Variants in SAMHD1 observed in about 807,000 individuals in gnomAD.
SAMHD1 encodes SAM and HD domain containing deoxynucleoside triphosphate triphosphohydrolase 1.
A neutral mutation model predicts 79.6 loss-of-function variants in SAMHD1; 54 were observed. The ratio of observed to expected loss-of-function variants is 0.68; its 90% confidence interval spans 0.55 to 0.85. The LOEUF (loss-of-function observed/expected upper bound fraction) is 0.85, where lower values mean the gene tolerates loss of function less well. Among genes scored for constraint, SAMHD1 ranks in the 40% least tolerant of loss-of-function variants. The pLI is 0.00. For synonymous variants in SAMHD1, 260 were observed against 264.1 expected (o/e 0.98, Z 0.15); for missense variants, 663 against 782.7 (o/e 0.85, Z 1.82).
chr20:36,898,515 T>C lies in SAMHD1; in HGVS notation c.1533A>G (p.Glu511=). The change falls in exon 14 of 16, where the codon GAA becomes GAG. Residue 511 remains glutamate, a synonymous_variant. Transcript: ENST00000646673. ...AGCTAACATGATCAATTGGATTCTT[T>C]TCTTGCATTCCATAATCCATGTTGA... is the stretch of plus-strand genomic sequence containing the variant. ...DVINMDYGMQ[E]KNPIDHVSFY... 6.2e-7 allele frequency: 1 copy of C among 1,613,964 alleles called. No individual in the cohort carries two copies. Among genetic ancestry groups the C allele is most frequent in the African/African-American group, 1.3e-5 (1 of 75,036 alleles).
At chr20:36,934,992 T>G (rs756143343) in intron 4 of SAMHD1, 37 bp downstream of exon 4, 2 of 1,605,900 alleles carry the variant, frequency 1.2e-6, no homozygotes, top group South Asian at 2.2e-5. Context: ...AGAAAATACT[T>G]AAAAACTGCA....
At chr20:36,914,580 G>A (rs536030050) in intron 9 of SAMHD1, among the ~76,000 whole-genome samples, 9 of 151,726 alleles carry the variant, frequency 5.9e-5, no homozygotes, top group Admixed American at 3.9e-4. Context: ...GGCTGGTCTC[G>A]AACTTCTAAC....
In SAMHD1 at chr20:36,947,212, T is replaced by C. The variant is rs138643113; in HGVS notation, c.209-408A>G. Among the ~76,000 whole-genome samples, 144 of 152,318 alleles carry C rather than the reference T, an allele frequency of 9.5e-4. No individual in the cohort carries two copies. The East Asian group carries it at 0.027, about 28-fold the overall frequency. On this transcript the variant is annotated intron_variant, in intron 1 of 15. Transcript: ENST00000646673. ...GGAAGGAAACCTAAGTCTATTGTTC[T>C]TAGAATTAACAAGTTAAAACCGTGA...
At position 36,927,230 on chromosome 20, in the gene SAMHD1, C is replaced by T. The variant is rs200848943; in HGVS notation, c.648G>A (p.Met216Ile). Residue 216 changes from methionine (M) to isoleucine (I), a missense_variant, in exon 6 of 16, where the codon ATG becomes ATA. Physicochemically the swap from Met to Ile is conservative, Grantham distance 10. Coordinates refer to ENST00000646673, the MANE Select transcript of SAMHD1 (RefSeq NM_015474.4). ...CAAGTGGAATAAATCGTCCATCAAACATGTGAGAAAATGGCCCATGACCTT... is the reference window on the plus strand; with the variant it reads ...CAAGTGGAATAAATCGTCCATCAAATATGTGAGAAAATGGCCCATGACCTT... ...HDLGHGPFSH[M>I]FDGRFIPLAR... is the part of the protein sequence containing the mutation. The T allele has an allele frequency of 6.2e-7, 1 of 1,612,948 alleles. No homozygotes were observed. Among genetic ancestry groups the T allele is most frequent in the East Asian group, 2.2e-5 (1 of 44,844 alleles).
At chr20:36,902,194 T>G (rs1221873774) in intron 13 of SAMHD1, among the ~76,000 whole-genome samples, 1 of 152,078 alleles carries the variant, frequency 6.6e-6, no homozygotes, top group African/African-American at 2.4e-5. Context: ...GTAGTAGTAT[T>G]TTTTGAGATG....
At chr20:36,933,088 T>C (rs928774978) in intron 4 of SAMHD1, among the ~76,000 whole-genome samples, 7 of 152,158 alleles carry the variant, frequency 4.6e-5, no homozygotes, top group South Asian at 2.1e-4. Context: ...TGTGGTTTGG[T>C]AGGGCTTAGT....
At chr20:36,905,171 G>A in intron 12 of SAMHD1, 193 bp downstream of exon 12, 1 of 620,216 alleles carries the variant, frequency 1.6e-6, no homozygotes, top group East Asian at 2.8e-5. Flanking sequence ...TCATGAGCAA[G>A]TTATTTAATC....
chr20:36,904,837 A>G (rs139835070), intron 12 of SAMHD1: 21 of 181,344 alleles, frequency 1.2e-4, no homozygotes, highest in Non-Finnish European at 1.5e-4. Context: ...GGATGTGGTT[A>G]TAAGTATGAC....
At chr20:36,912,903 T>TTTG (rs1281729818) in intron 9 of SAMHD1, among the ~76,000 whole-genome samples, 3 of 139,068 alleles carry the variant, frequency 2.2e-5, no homozygotes, top group Admixed American at 7.3e-5. Flanking sequence ...TTTTTTTTTT[T>TTTG]TTTTTTTTTT....
chr20:36,918,139 G>A (rs1414149451), intron 7 of SAMHD1, among the ~76,000 whole-genome samples: 3 of 151,758 alleles, frequency 2.0e-5, no homozygotes, highest in Non-Finnish European at 4.4e-5. Context: ...ACAGGCATGA[G>A]ACAGGGTTTC....
At chr20:36,925,958 G>A (rs6030200) in intron 6 of SAMHD1, among the ~76,000 whole-genome samples, 66,670 of 151,848 alleles carry the variant, frequency 0.44, 16,537 homozygotes, top group African/African-American at 0.67. Context: ...AGCAATTCTA[G>A]CTCCTCGGTA....
chr20:36,896,705 C>T (rs376403916), intron 15 of SAMHD1, among the ~76,000 whole-genome samples: 13 of 152,160 alleles, frequency 8.5e-5, no homozygotes, highest in African/African-American at 3.1e-4. Context: ...CATTGTGGCA[C>T]ATGCCTGTAA....
In SAMHD1 at chr20:36,892,873, T is replaced by C. The variant is rs773828572; in HGVS notation, c.*59A>G. Reference sequence around the variant, plus strand: ...TCATTAATTTGCAGAATTCTATGATTGAAGCCTCTAAATGAATTGTGCAGG... The same window carrying C: ...TCATTAATTTGCAGAATTCTATGATCGAAGCCTCTAAATGAATTGTGCAGG... On this transcript the variant is annotated 3_prime_UTR_variant, in exon 16 of 16. Coordinates refer to ENST00000646673, the MANE Select transcript of SAMHD1 (RefSeq NM_015474.4). 1.1e-5 allele frequency: 17 copies of C among 1,601,570 alleles called. No individual in the cohort carries two copies. The highest frequency in any genetic ancestry group is 1.4e-5 in the Non-Finnish European group (16 of 1,168,610).
chr20:36,917,898 A>G (rs2063485404), intron 7 of SAMHD1, among the ~76,000 whole-genome samples: 1 of 152,144 alleles, frequency 6.6e-6, no homozygotes, highest in Non-Finnish European at 1.5e-5. Flanking sequence ...TCAGGGGGAA[A>G]TTATTTCCCA....
intron 9 of SAMHD1, among the ~76,000 whole-genome samples, chr20:36,914,985 C>A (rs1323910282): frequency 1.3e-5 from 2 of 151,936 alleles, no homozygotes; most frequent in African/African-American, 4.8e-5. Context: ...ACACTCCAAT[C>A]TGGGTGACAG....
intron 1 of SAMHD1, among the ~76,000 whole-genome samples, chr20:36,951,011 A>G (rs913784390): frequency 6.6e-6 from 1 of 152,102 alleles, no homozygotes; most frequent in Non-Finnish European, 1.5e-5. Flanking sequence ...ATCTCCTTCT[A>G]ACTAAAAAAA....
intron 7 of SAMHD1, among the ~76,000 whole-genome samples, chr20:36,918,412 A>T (rs193220468): frequency 1.3e-5 from 2 of 151,706 alleles, no homozygotes; most frequent in East Asian, 2.0e-4. Flanking sequence ...TGAGCCCAGG[A>T]GTTCGAAACC....
chr20:36,912,700 T>TA, intron 9 of SAMHD1, 148 bp from the exon 10 acceptor site: 1 of 521,458 alleles, frequency 1.9e-6, no homozygotes, highest in East Asian at 3.4e-5. Flanking sequence ...TTGACCCCAC[T>TA]AAAAAATGAG....
intron 9 of SAMHD1, among the ~76,000 whole-genome samples, chr20:36,916,104 T>A (rs1451422705): frequency 1.3e-5 from 2 of 151,226 alleles, no homozygotes; most frequent in African/African-American, 4.9e-5. Flanking sequence ...GAGCTTGCAG[T>A]GAGCCGAGAT....
Sources: gnomAD v4.1 joint callset for allele counts (sites outside exome capture counted in the v4.1 genomes callset) on GRCh38, gnomAD v4.1.1 for gene constraint, MANE v1.5 for transcripts, NCBI Gene and HGNC (gene_info 2026-07-23, HGNC 2026-07-21) for gene names.